Variants in FOXP2 observed in about 807,000 individuals in gnomAD.
FOXP2 encodes the protein forkhead box P2.
In FOXP2, 12 loss-of-function variants were observed where a neutral mutation model predicts 115.8. The observed-to-expected ratio is 0.10, with a 90% CI of 0.07 to 0.17. The LOEUF (loss-of-function observed/expected upper bound fraction) is 0.17, where lower values mean the gene tolerates loss of function less well. Among genes scored for constraint, FOXP2 ranks in the 10% least tolerant of loss-of-function variants. The pLI, the probability that FOXP2 is intolerant of heterozygous loss-of-function variation, is 1.00. For synonymous variants in FOXP2, 328 were observed against 297.7 expected (o/e 1.10, Z -1.05); for missense variants, 629 against 843.5 (o/e 0.75, Z 3.15).
At chr7:114,399,959 C>T (rs1237398558) in intron 2 of FOXP2, among the ~76,000 whole-genome samples, 3 of 149,218 alleles carry the variant, frequency 2.0e-5, no homozygotes, top group Non-Finnish European at 4.4e-5. Context: ...CGAGTTCAAG[C>T]GATTCTCCTG....
At chr7:114,280,321 A>C (rs1159912841) in intron 1 of FOXP2, among the ~76,000 whole-genome samples, 1 of 152,044 alleles carries the variant, frequency 6.6e-6, no homozygotes, top group Non-Finnish European at 1.5e-5. Flanking sequence ...TTATTGTCTG[A>C]AATTCTTTTC....
chr7:114,122,697 T>A (rs962076032), intron 1 of FOXP2, among the ~76,000 whole-genome samples: 1 of 152,102 alleles, frequency 6.6e-6, no homozygotes, highest in African/African-American at 2.4e-5. Flanking sequence ...ATGTTTACAC[T>A]GCATTTTAAA....
intron 2 of FOXP2, among the ~76,000 whole-genome samples, chr7:114,363,050 A>T (rs975252018): frequency 1.3e-5 from 2 of 152,222 alleles, no homozygotes; most frequent in East Asian, 1.9e-4. Flanking sequence ...CAAAGGTGGG[A>T]GGAATAGTTA....
chr7:114,379,487 C>T (rs548694191), intron 2 of FOXP2, among the ~76,000 whole-genome samples: 2 of 152,124 alleles, frequency 1.3e-5, no homozygotes, highest in Admixed American at 6.5e-5. Flanking sequence ...CTGCTTCCTG[C>T]TGAATTGGGG....
intron 2 of FOXP2, among the ~76,000 whole-genome samples, chr7:114,365,116 T>A (rs1276544533): frequency 1.3e-5 from 2 of 152,172 alleles, no homozygotes; most frequent in Non-Finnish European, 2.9e-5. Flanking sequence ...TTTTGCAGAC[T>A]CTTAGACAAA....
At chr7:114,361,566 A>G (rs886427589) in intron 2 of FOXP2, among the ~76,000 whole-genome samples, 6 of 152,052 alleles carry the variant, frequency 3.9e-5, no homozygotes, top group Non-Finnish European at 8.8e-5. Context: ...CAATGGGGCA[A>G]AAAGTTTTAT....
intron 2 of FOXP2, among the ~76,000 whole-genome samples, chr7:114,405,536 G>A (rs1345358931): frequency 1.3e-5 from 2 of 151,908 alleles, no homozygotes; most frequent in Admixed American, 6.6e-5. Flanking sequence ...AAATAATGAG[G>A]CTAGTAGGCA....
At position 114,538,267 on chromosome 7, in the gene FOXP2, T is replaced by G. The variant is rs1799493022; in HGVS notation, c.258+3561T>G. On this transcript the variant is annotated intron_variant, in intron 3 of 16. Transcript: ENST00000350908. ...TCAATTTTCTAGCCTATGACAAATC[T>G]ACTTAATTTAGTTTAGATATGAAAA... 25 of 1,149,974 alleles carry G rather than the reference T, an allele frequency of 2.2e-5. No homozygotes were observed. In the South Asian group the frequency reaches 3.1e-4, roughly 14 times the overall value. The allele number at this position is 1,149,974 out of a possible 1,614,324, so 71.2% of individuals were successfully genotyped here. A position where few individuals can be genotyped will look rare whatever the true frequency, so the allele number is the denominator to read the frequency against.
At chr7:114,106,699 CTGAAACT>C (rs1791127627) in intron 1 of FOXP2, among the ~76,000 whole-genome samples, 1 of 151,890 alleles carries the variant, frequency 6.6e-6, no homozygotes, top group African/African-American at 2.4e-5. Flanking sequence ...AACCTGAAAC[CTGAAACT>C]TAAAAATTAA....
intron 2 of FOXP2, among the ~76,000 whole-genome samples, chr7:114,395,848 AG>A (rs1048065049): frequency 4.6e-5 from 7 of 151,654 alleles, no homozygotes; most frequent in East Asian, 1.9e-4. Flanking sequence ...GTGTGGGGGC[AG>A]GGGGGGTCAC....
intron 3 of FOXP2, among the ~76,000 whole-genome samples, chr7:114,561,738 A>C (rs11766403): frequency 0.085 from 12,885 of 152,158 alleles, 616 homozygotes; most frequent in Middle Eastern, 0.17. Flanking sequence ...TTCCTTTAAA[A>C]ATGTTCTCCA....
At chr7:114,382,486 G>GT (rs1267738328) in intron 2 of FOXP2, among the ~76,000 whole-genome samples, 1 of 152,146 alleles carries the variant, frequency 6.6e-6, no homozygotes, top group African/African-American at 2.4e-5. Flanking sequence ...AAGTGTCCTT[G>GT]TAGACCACAC....
intron 2 of FOXP2, among the ~76,000 whole-genome samples, chr7:114,405,291 A>G (rs1793007449): frequency 6.6e-6 from 1 of 151,922 alleles, no homozygotes; most frequent in Non-Finnish European, 1.5e-5. Context: ...GCAGTAATTC[A>G]TTCAGAAGTG....
At position 114,265,080 on chromosome 7, in the gene FOXP2, T is replaced by C. The variant is rs117670643; in HGVS notation, c.-101-22939T>C. On this transcript the variant is annotated intron_variant, in intron 1 of 17. Coordinates refer to the FOXP2 transcript ENST00000634411. ...GCCCCTCCCAAATCTCATGTCCTTC[T>C]TACATTGTAAAATGCAATCATGCCT... Among the ~76,000 whole-genome samples, 331 of 152,274 alleles carry C rather than the reference T, an allele frequency of 2.2e-3. 2 individuals carry two copies. The highest frequency in any genetic ancestry group is 4.0e-3 in the Non-Finnish European group (274 of 68,020).
intron 2 of FOXP2, among the ~76,000 whole-genome samples, chr7:114,491,297 A>G (rs559237378): frequency 2.0e-5 from 3 of 152,318 alleles, no homozygotes; most frequent in Admixed American, 1.3e-4. Flanking sequence ...GGCTGCATAA[A>G]TGTCTTCTTT....
At chr7:114,370,456 C>G (rs1417954413) in intron 2 of FOXP2, among the ~76,000 whole-genome samples, 3 of 152,294 alleles carry the variant, frequency 2.0e-5, no homozygotes, top group East Asian at 1.9e-4. Context: ...TTCCTAGCCT[C>G]GTTTATGTAA....
At chr7:114,285,537 AAAG>A (rs1393244752) in intron 1 of FOXP2, 1 of 152,138 alleles carries the variant, frequency 6.6e-6, no homozygotes, top group Non-Finnish European at 1.5e-5. Flanking sequence ...TTGAGAGCAT[AAAG>A]AACATAGACA....
At chr7:114,489,058 A>T (rs977042760) in intron 2 of FOXP2, among the ~76,000 whole-genome samples, 1 of 152,146 alleles carries the variant, frequency 6.6e-6, no homozygotes, top group Admixed American at 6.6e-5. Context: ...TCATTTTGTC[A>T]GTGATATTTT....
chr7:114,535,647 A>G (rs539176407), intron 3 of FOXP2, among the ~76,000 whole-genome samples: 1 of 151,596 alleles, frequency 6.6e-6, no homozygotes, highest in African/African-American at 2.4e-5. Context: ...AGTTTGTATA[A>G]GAGAGAATTA....
Sources: allele counts gnomAD v4.1 joint callset (sites outside exome capture counted in the v4.1 genomes callset), GRCh38; gene constraint gnomAD v4.1.1; transcripts MANE v1.5; gene names NCBI Gene and HGNC (gene_info 2026-07-23, HGNC 2026-07-21).